PCDHGA2: variants seen among roughly 807,000 people sequenced by gnomAD.
The protein encoded by PCDHGA2 is protocadherin gamma subfamily A, 2.
PCDHGA2 carries 40 observed loss-of-function variants against 59.2 expected under a neutral mutation model. The observed-to-expected ratio is 0.68, with a 90% CI of 0.52 to 0.88. The LOEUF (loss-of-function observed/expected upper bound fraction) is 0.88, where lower values mean the gene tolerates loss of function less well. Among genes scored for constraint, PCDHGA2 ranks in the 40% least tolerant of loss-of-function variants. PCDHGA2 has a pLI of 0.00. For synonymous variants in PCDHGA2, 560 were observed against 526.0 expected, an observed-to-expected ratio of 1.06 and a Z score of -0.89; for missense variants, 1,226 against 1,204.0, an observed-to-expected ratio of 1.02 and a Z score of -0.27.
At chr5:141,503,023 A>T (rs1163676028) in intron 2 of PCDHGA2, among the ~76,000 whole-genome samples, 1 of 141,884 alleles carries the variant, frequency 7.0e-6, no homozygotes, top group African/African-American at 2.6e-5. Context: ...TTTTTTTTTT[A>T]ATATCTATTT....
chr5:141,350,265 A>G (rs1300733532), intron 1 of PCDHGA2: 2 of 1,510,306 alleles, frequency 1.3e-6, no homozygotes, highest in Admixed American at 2.3e-5. Context: ...CCTGAAATGC[A>G]GAGAGCCAGA....
At chr5:141,407,117 C>T (rs1412216570) in intron 1 of PCDHGA2, among the ~76,000 whole-genome samples, 1 of 152,098 alleles carries the variant, frequency 6.6e-6, no homozygotes, top group African/African-American at 2.4e-5. Flanking sequence ...ATTTGGGTTT[C>T]AGTTGCTTTA....
intron 1 of PCDHGA2, chr5:141,360,453 C>T (rs1467888635): frequency 4.3e-6 from 7 of 1,613,864 alleles, no homozygotes; most frequent in Non-Finnish European, 5.9e-6. Context: ...TTCTGGATTT[C>T]GATACTGTCG....
rs777990962 is a variant in PCDHGA2, at chr5:141,431,580, A to T, written c.2425-63227A>T. ...GCTACCGACCCTGACGAAGGAGTCA[A>T]TGCGGAAGTGAGGTATTCCTTCCGG... is the stretch of plus-strand genomic sequence containing the variant. On this transcript the variant is annotated intron_variant, in intron 1 of 3. Coordinates refer to ENST00000394576, the MANE Select transcript of PCDHGA2 (RefSeq NM_018915.4). The surrounding 1 kb of genome is among the most constrained non-coding windows in gnomAD (Gnocchi z 4.8). The T allele has an allele frequency of 6.2e-7, 1 of 1,614,216 alleles. No individual in the cohort carries two copies.
At chr5:141,397,324 T>C (rs2093508718) in intron 1 of PCDHGA2, among the ~76,000 whole-genome samples, 1 of 152,148 alleles carries the variant, frequency 6.6e-6, no homozygotes, top group African/African-American at 2.4e-5. Flanking sequence ...TAAAGAAAAA[T>C]TATTTTTATA....
At chr5:141,393,740 TGAA>T in intron 1 of PCDHGA2, 1 of 1,613,888 alleles carries the variant, frequency 6.2e-7, no homozygotes, top group Non-Finnish European at 8.5e-7. Context: ...GTCTAGATTA[TGAA>T]GAATGTTCAT....
At chr5:141,381,798 CTCTT>C (rs372235829) in intron 1 of PCDHGA2, among the ~76,000 whole-genome samples, 40 of 144,168 alleles carry the variant, frequency 2.8e-4, no homozygotes, top group Non-Finnish European at 4.5e-4. Context: ...AGGCAATTCC[CTCTT>C]TCTTTCTTTC....
rs777856819 is a variant in PCDHGA2, at chr5:141,487,572, T to A, written c.2425-7235T>A. On this transcript the variant is annotated intron_variant, in intron 1 of 3. Coordinates refer to ENST00000394576, the MANE Select transcript of PCDHGA2 (RefSeq NM_018915.4). The surrounding 1 kb of genome is among the most constrained non-coding windows in gnomAD (Gnocchi z 5.0). ...AGTGCACCTATGGCAGGGGAGCCTG[T>A]TCGCCCAAGCTGCCCACCCTCTGAT... 1 of 1,614,168 alleles carries A rather than the reference T, an allele frequency of 6.2e-7. No individual in the cohort carries two copies. Among genetic ancestry groups the A allele is most frequent in the Non-Finnish European group, 8.5e-7 (1 of 1,180,034 alleles).
At chr5:141,436,331 T>A (rs919524287) in intron 1 of PCDHGA2, among the ~76,000 whole-genome samples, 1 of 152,198 alleles carries the variant, frequency 6.6e-6, no homozygotes, top group Non-Finnish European at 1.5e-5. Flanking sequence ...TTAGACCATA[T>A]CTCAAATATC....
At chr5:141,352,154 G>T (rs770780067) in intron 1 of PCDHGA2, 1 of 1,612,750 alleles carries the variant, frequency 6.2e-7, no homozygotes, top group East Asian at 2.2e-5. Context: ...GGGCGACAGG[G>T]ACGCGGCCCG....
At chr5:141,403,495 C>T (rs2094413954) in intron 1 of PCDHGA2, 2 of 1,614,014 alleles carry the variant, frequency 1.2e-6, no homozygotes, top group Non-Finnish European at 1.7e-6. Flanking sequence ...TCTCCCTGAA[C>T]GTGCAGACTG....
At chr5:141,408,266 C>G in intron 1 of PCDHGA2, 1 of 1,608,708 alleles carries the variant, frequency 6.2e-7, no homozygotes, top group Non-Finnish European at 8.5e-7. Flanking sequence ...TCCTTTGCTG[C>G]TGCCTTTGTT....
intron 1 of PCDHGA2, chr5:141,417,791 C>T: frequency 6.7e-7 from 1 of 1,482,658 alleles, no homozygotes; most frequent in Non-Finnish European, 9.0e-7. Context: ...GCCGAATGCT[C>T]TTTTAGCGCG....
chr5:141,477,634 G>C lies in PCDHGA2; in HGVS notation c.2425-17173G>C. 2 of 1,614,176 alleles carry C rather than the reference G, an allele frequency of 1.2e-6. No individual in the cohort carries two copies. Among genetic ancestry groups the C allele is most frequent in the Non-Finnish European group, 1.7e-6 (2 of 1,180,034 alleles). On this transcript the variant is annotated intron_variant, in intron 1 of 3. Transcript: ENST00000394576. This position sits in a 1 kb window ranked among gnomAD's most constrained non-coding sequence, Gnocchi z 4.9. Reference sequence around the variant, plus strand: ...AGCAAGGAGCTGAAACCGGGCTAGTGGGTCGCTATTTCACAATAAATCGTG... The same window carrying C: ...AGCAAGGAGCTGAAACCGGGCTAGTCGGTCGCTATTTCACAATAAATCGTG...
chr5:141,509,601 G>A (rs2099877534), intron 3 of PCDHGA2, among the ~76,000 whole-genome samples: 1 of 152,144 alleles, frequency 6.6e-6, no homozygotes, highest in Non-Finnish European at 1.5e-5. Flanking sequence ...ATTCCGAGAG[G>A]CTGCATTCTA....
intron 1 of PCDHGA2, chr5:141,378,052 C>A (rs75561194): frequency 5.8e-4 from 88 of 152,282 alleles, no homozygotes; most frequent in African/African-American, 2.0e-3. Context: ...CCTTATCTAT[C>A]TGACTCAAAT....
At position 141,414,898 on chromosome 5, in the gene PCDHGA2, G is replaced by A. The variant is rs1369274783; in HGVS notation, c.2424+73503G>A. On this transcript the variant is annotated intron_variant, in intron 1 of 3. Coordinates refer to ENST00000394576, the MANE Select transcript of PCDHGA2 (RefSeq NM_018915.4). ...CCTGTACCCCGCCCTCCCCACAGAC[G>A]GTTCCACAGGCGTGGAGCTGGCGCC... is the stretch of plus-strand genomic sequence containing the variant. 2.5e-6 allele frequency: 4 copies of A among 1,614,190 alleles called. No individual in the cohort carries two copies. Among genetic ancestry groups the A allele is most frequent in the Admixed American group, 1.7e-5 (1 of 60,028 alleles).
At position 141,339,539 on chromosome 5, in the gene PCDHGA2, A is replaced by G; in HGVS notation, c.568A>G (p.Lys190Glu). The G allele has an allele frequency of 6.2e-7, 1 of 1,614,136 alleles. No individual in the cohort carries two copies. The highest frequency in any genetic ancestry group is 8.5e-7 in the Non-Finnish European group (1 of 1,180,026). Reference protein sequence around the residue: ...LDVRRGADGNKYPELVLERSL... With the variant: ...LDVRRGADGNEYPELVLERSL... ...CGTGCGAAGGGGAGCTGATGGGAACAAGTACCCAGAACTGGTGCTGGAGCG... is the reference window on the plus strand; with the variant it reads ...CGTGCGAAGGGGAGCTGATGGGAACGAGTACCCAGAACTGGTGCTGGAGCG... Residue 190 changes from lysine to glutamate, a missense_variant, in exon 1 of 4, where the codon AAG (lysine) becomes GAG (glutamate). Physicochemically the swap from Lys to Glu is moderately conservative, Grantham distance 56. Transcript: ENST00000394576.
Position 141,361,948 on chromosome 5 carries a change from T to A in PCDHGA2, c.2424+20553T>A, listed in dbSNP as rs746757947. The stretch of plus-strand genomic sequence containing the variant: ...AGACTCAGGACACAACGCTTGGCTG[T>A]CCTACCACGTGCTGCAGGCCAGCGA... On this transcript the variant is annotated intron_variant, in intron 1 of 3. Coordinates refer to ENST00000394576, the MANE Select transcript of PCDHGA2 (RefSeq NM_018915.4). The A allele has an allele frequency of 2.6e-5, 42 of 1,604,118 alleles. No homozygotes were observed. The highest frequency in any genetic ancestry group is 5.5e-5 in the South Asian group (5 of 90,876).
Sources: gnomAD v4.1 joint callset for allele counts (sites outside exome capture counted in the v4.1 genomes callset) on GRCh38, gnomAD v4.1.1 for gene constraint, Gnocchi (gnomAD v3.1) non-coding constraint, MANE v1.5 for transcripts, NCBI Gene and HGNC (gene_info 2026-07-23, HGNC 2026-07-21) for gene names.